Variants in ASH2L observed in about 807,000 individuals in gnomAD.
ASH2L encodes the protein set1/Ash2 histone methyltransferase complex subunit ASH2.
Under a neutral mutation model 81.1 loss-of-function variants are expected in ASH2L, and 30 were observed. That is an observed-to-expected ratio of 0.37 (90% CI 0.28 to 0.50). ASH2L has a LOEUF of 0.50. Ranked by LOEUF, ASH2L falls within the 20% of genes least tolerant of loss-of-function variation. The pLI is 0.95. For synonymous variants in ASH2L, 273 were observed against 279.9 expected (o/e 0.98, Z 0.24); for missense variants, 559 against 792.1 (o/e 0.71, Z 3.53).
chr8:38,119,268 A>AG lies in ASH2L; in HGVS notation c.857dup. On this transcript the variant is annotated splice_acceptor_variant, in intron 8 of 15. Coordinates refer to ENST00000343823, the MANE Select transcript of ASH2L (RefSeq NM_004674.5). LOFTEE classifies it high-confidence loss of function. ...TGAAAGCAATCTGCCTTCTCTTCAA[A>AG]GGGGGAATTGCAGCAGGAAGCAGCG... 1 of 1,549,892 alleles carries AG rather than the reference A, an allele frequency of 6.5e-7. No homozygotes were observed. The highest frequency in any genetic ancestry group is 8.7e-7 in the Non-Finnish European group (1 of 1,146,292).
At position 38,138,891 on chromosome 8, in the gene ASH2L, A is replaced by G. The variant is rs1176725676; in HGVS notation, c.1779+16A>G. The G allele has an allele frequency of 2.5e-6, 4 of 1,613,726 alleles. No homozygotes were observed. The African/African-American group carries it at 5.3e-5, about 22-fold the overall frequency. On this transcript the variant is annotated intron_variant, in intron 15 of 15. Transcript: ENST00000343823. ...TTACCGCCCTGTGAGTAACATTACA[A>G]ATGGCTGCATGTGTCCTCAGCATCT...
chr8:38,138,152 T>C (rs1394273736), intron 14 of ASH2L: 1 of 152,166 alleles, frequency 6.6e-6, no homozygotes, highest in Non-Finnish European at 1.5e-5. Flanking sequence ...TGGTGGTACA[T>C]GCCTGCAGTC....
chr8:38,135,190 A>G (rs1288606263), intron 13 of ASH2L, among the ~76,000 whole-genome samples: 1 of 152,204 alleles, frequency 6.6e-6, no homozygotes, highest in Non-Finnish European at 1.5e-5. Context: ...ATAATAAAAT[A>G]TAGAAATGTT....
intron 1 of ASH2L, 171 bp from the exon 2 acceptor site, chr8:38,106,207 C>T: frequency 6.9e-7 from 1 of 1,449,998 alleles, no homozygotes; most frequent in South Asian, 1.2e-5. Flanking sequence ...TCTGACATGT[C>T]CACCTTCTCA....
Position 38,127,165 on chromosome 8 carries a change from G to GAA in ASH2L, c.1166-1113_1166-1112dup, listed in dbSNP as rs35487001. ...CAACAGCATGAGACCTTATCTCAAGGAAAAAAAAAAAAAACTAGTCAAGAG... is the reference window on the plus strand; with the variant it reads ...CAACAGCATGAGACCTTATCTCAAGGAAAAAAAAAAAAAAAACTAGTCAAGAG... On this transcript the variant is annotated intron_variant, in intron 10 of 15. Coordinates refer to ENST00000343823, the MANE Select transcript of ASH2L (RefSeq NM_004674.5). Among the ~76,000 whole-genome samples the GAA allele has an allele frequency of 8.0e-3, 1,117 of 140,340 alleles. 12 individuals carry two copies. The highest frequency in any genetic ancestry group is 0.019 in the African/African-American group (734 of 37,946). 92.1% of individuals were successfully genotyped at this position (140,340 alleles called of 152,430 possible). A position where few individuals can be genotyped will look rare whatever the true frequency, so the allele number is the denominator to read the frequency against.
intron 14 of ASH2L, among the ~76,000 whole-genome samples, chr8:38,137,114 G>A (rs1802288113): frequency 1.3e-5 from 2 of 149,044 alleles, no homozygotes; most frequent in African/African-American, 2.5e-5. Context: ...AAGGGCGGGG[G>A]TGGCGCTGGG....
At chr8:38,108,477 A>G (rs553498011) in intron 3 of ASH2L, among the ~76,000 whole-genome samples, 31 of 151,568 alleles carry the variant, frequency 2.0e-4, no homozygotes, top group African/African-American at 7.3e-4. Context: ...TTCAAAAGTT[A>G]TATCTAAAGT....
At chr8:38,136,052 C>T (rs1253150409) in intron 14 of ASH2L, among the ~76,000 whole-genome samples, 1 of 151,364 alleles carries the variant, frequency 6.6e-6, no homozygotes, top group Non-Finnish European at 1.5e-5. Context: ...CACAAATCCT[C>T]CTGGGATGTC....
chr8:38,132,177 A>G (rs2130569595), intron 12 of ASH2L, among the ~76,000 whole-genome samples: 1 of 152,260 alleles, frequency 6.6e-6, no homozygotes, highest in African/African-American at 2.4e-5. Context: ...TGAAGACAAT[A>G]TATGCCTAGA....
intron 12 of ASH2L, among the ~76,000 whole-genome samples, chr8:38,132,679 A>G (rs1802105587): frequency 6.6e-6 from 1 of 151,338 alleles, no homozygotes; most frequent in Non-Finnish European, 1.5e-5. Context: ...CATGCCTGTA[A>G]TCCCAGCTGC....
chr8:38,131,234 T>TA (rs1186705925), intron 12 of ASH2L, among the ~76,000 whole-genome samples: 1 of 152,192 alleles, frequency 6.6e-6, no homozygotes, highest in Non-Finnish European at 1.5e-5. Context: ...CGGAACTCTT[T>TA]AAATGTATAC....
At chr8:38,135,606 G>C (rs1328035541) in intron 13 of ASH2L, 62 bp from the exon 14 acceptor site, 1 of 1,237,786 alleles carries the variant, frequency 8.1e-7, no homozygotes, top group Non-Finnish European at 1.2e-6. Flanking sequence ...TTTTCCTAGA[G>C]AGTTCTTTTT....
At chr8:38,119,899 A>G (rs921591801) in intron 9 of ASH2L, among the ~76,000 whole-genome samples, 2 of 152,116 alleles carry the variant, frequency 1.3e-5, no homozygotes, top group African/African-American at 4.8e-5. Flanking sequence ...CAGGTGAATC[A>G]CCTGAGGTCA....
chr8:38,125,080 G>C (rs1801779868), intron 10 of ASH2L, among the ~76,000 whole-genome samples: 1 of 152,012 alleles, frequency 6.6e-6, no homozygotes. Flanking sequence ...CTGCTCTTGA[G>C]GTATCTGCCC....
At chr8:38,106,923 C>A in intron 2 of ASH2L, 98 bp from the exon 3 acceptor site, 1 of 1,454,678 alleles carries the variant, frequency 6.9e-7, no homozygotes. Flanking sequence ...TTGAGACCAG[C>A]CTGGGCAACA....
chr8:38,138,848 T>TC lies in ASH2L; in HGVS notation c.1754dup (p.Pro586SerfsTer11). Reference sequence around the variant, plus strand: ...TTAACTTTGGACCATGCTTCAAGTATCCTCCGAAGGATCTCACTTACCGCC... The same window carrying TC: ...TTAACTTTGGACCATGCTTCAAGTATCCCTCCGAAGGATCTCACTTACCGCC... On this transcript the variant is annotated frameshift_variant, in exon 15 of 16. Transcript: ENST00000343823. LOFTEE classifies it high-confidence loss of function. 6.2e-7 allele frequency: 1 copy of TC among 1,614,204 alleles called. No individual in the cohort carries two copies. The highest frequency in any genetic ancestry group is 8.5e-7 in the Non-Finnish European group (1 of 1,180,026).
At position 38,135,685 on chromosome 8, in the gene ASH2L, T is replaced by C; in HGVS notation, c.1638T>C (p.Asn546=). The change falls in exon 14 of 16, where the codon AAT becomes AAC. Residue 546 remains asparagine, a synonymous_variant. Transcript: ENST00000343823. ...TGTTTCAGATAATATTTTATAAAAA[T>C]GGTGTCAATCAAGGTGTGGCTTACA... ...TPHSEIIFYK[N]GVNQGVAYKD... 1.9e-6 allele frequency: 3 copies of C among 1,611,044 alleles called. No individual in the cohort carries two copies. The highest frequency in any genetic ancestry group is 2.5e-6 in the Non-Finnish European group (3 of 1,177,850).
intron 14 of ASH2L, chr8:38,137,395 A>AG (rs1218377098): frequency 6.7e-6 from 1 of 150,124 alleles, no homozygotes; most frequent in East Asian, 1.9e-4. Context: ...AATACAAAAA[A>AG]AAAAAAAAAA....
At chr8:38,120,325 CT>C (rs1424493777) in intron 9 of ASH2L, among the ~76,000 whole-genome samples, 1 of 152,094 alleles carries the variant, frequency 6.6e-6, no homozygotes, top group Non-Finnish European at 1.5e-5. Context: ...ATGTTAGCTC[CT>C]TTAGCTCCTT....
Sources: allele counts gnomAD v4.1 joint callset (sites outside exome capture counted in the v4.1 genomes callset), GRCh38; gene constraint gnomAD v4.1.1; transcripts MANE v1.5; gene names NCBI Gene and HGNC (gene_info 2026-07-23, HGNC 2026-07-21).